The following PUS10 variants were observed in gnomAD, a reference collection of about 807,000 sequenced individuals.
PUS10 encodes tRNA pseudouridine synthase Pus10.
A neutral mutation model predicts 75.0 loss-of-function variants in PUS10; 59 were observed. The observed-to-expected ratio is 0.79, with a 90% CI of 0.64 to 0.98. The LOEUF is 0.98. PUS10 is among the 50% of genes least tolerant of loss of function. PUS10 has a pLI of 0.00. For synonymous variants in PUS10, 219 were observed against 211.6 expected, an observed-to-expected ratio of 1.03 and a Z score of -0.30; for missense variants, 650 against 614.4, an observed-to-expected ratio of 1.06 and a Z score of -0.61.
At position 60,998,072 on chromosome 2, in the gene PUS10, G is replaced by A. The variant is rs151023860; in HGVS notation, c.468+8485C>T. ...TGCCTGCACACACAATATATATATA[G>A]CTCCTATACTTAAAGTTGAGAATTT... is the stretch of plus-strand genomic sequence containing the variant. On this transcript the variant is annotated intron_variant, in intron 4 of 17. Transcript: ENST00000316752. 3.0e-3 allele frequency among the ~76,000 whole-genome samples: 457 copies of A among 152,210 alleles called. 2 individuals are homozygous for A. Among genetic ancestry groups the A allele is most frequent in the African/African-American group, 0.01 (434 of 41,540 alleles).
chr2:61,001,281 A>T (rs1286827042), intron 4 of PUS10, among the ~76,000 whole-genome samples: 3 of 148,848 alleles, frequency 2.0e-5, no homozygotes, highest in African/African-American at 4.9e-5. Flanking sequence ...ATAAGCCATA[A>T]GCCACCTCTT....
At chr2:61,004,074 C>T (rs1679039886) in intron 4 of PUS10, among the ~76,000 whole-genome samples, 1 of 152,032 alleles carries the variant, frequency 6.6e-6, no homozygotes, top group Non-Finnish European at 1.5e-5. Context: ...TATTGACGTT[C>T]GTTCTACAAA....
chr2:60,948,270 A>G, intron 15 of PUS10, 85 bp from the exon 16 acceptor site: 2 of 1,297,552 alleles, frequency 1.5e-6, no homozygotes, highest in Non-Finnish European at 1.1e-6. Context: ...CACCATCCAT[A>G]GCTCACCACA....
intron 6 of PUS10, chr2:60,966,560 C>G (rs1246824303): frequency 1.3e-5 from 2 of 152,198 alleles, no homozygotes; most frequent in Non-Finnish European, 2.9e-5. Context: ...CTCACTGATA[C>G]AACATGTAAA....
chr2:60,966,599 A>G (rs1369582664), intron 6 of PUS10: 1 of 152,264 alleles, frequency 6.6e-6, no homozygotes, highest in Non-Finnish European at 1.5e-5. Flanking sequence ...CTGAAATTTG[A>G]GGTAAAAATA....
chr2:60,975,147 C>CTGTT (rs955483476), intron 4 of PUS10, among the ~76,000 whole-genome samples: 17 of 152,108 alleles, frequency 1.1e-4, no homozygotes, highest in African/African-American at 2.9e-4. Context: ...TATCATGGTT[C>CTGTT]TGTTTGTTTG....
Position 61,011,820 on chromosome 2 carries a change from C to A in PUS10, c.71G>T (p.Cys24Phe). ...ATCCACACCACAGAATCTGAAGATA[C>A]ATCTTGGACAAGTACCAGTATTGAG... ...LLLNTGTCPRCIFRFCGVDFH... is the reference protein window; with the variant it reads ...LLLNTGTCPRFIFRFCGVDFH... The change falls in exon 2 of 18, where the codon TGT becomes TTT. Residue 24 changes from cysteine to phenylalanine, a missense_variant. Physicochemically the swap from Cys to Phe is radical, Grantham distance 205. Coordinates refer to ENST00000316752, the MANE Select transcript of PUS10 (RefSeq NM_144709.4). 6.2e-7 allele frequency: 1 copy of A among 1,609,420 alleles called. No homozygotes were observed. The highest frequency in any genetic ancestry group is 8.5e-7 in the Non-Finnish European group (1 of 1,177,620).
intron 11 of PUS10, 117 bp from the exon 12 acceptor site, chr2:60,955,191 A>G: frequency 1.9e-6 from 1 of 520,248 alleles, no homozygotes; most frequent in Non-Finnish European, 3.3e-6. Flanking sequence ...GAGAATCCCC[A>G]GGGAGAGTCA....
chr2:60,948,154 C>T lies in PUS10; in HGVS notation c.1340G>A (p.Arg447His), dbSNP rs1424494132. The T allele has an allele frequency of 1.2e-6, 2 of 1,614,046 alleles. No homozygotes were observed. Among genetic ancestry groups the T allele is most frequent in the Non-Finnish European group, 1.7e-6 (2 of 1,180,000 alleles). ...AGCCAGGGGCCTTCGGTGAAGGACG[C>T]GCAAAGGTGTTTTCTGGTCGATTTT... ...DLKIDQKTPLRVLHRRPLAVR... is the reference protein window; with the variant it reads ...DLKIDQKTPLHVLHRRPLAVR... Residue 447 changes from arginine (R) to histidine (H), a missense_variant, in exon 16 of 18, where the codon CGC (arginine) becomes CAC (histidine). Arg to His is a conservative substitution (Grantham distance 29). Transcript: ENST00000316752.
At chr2:60,995,651 T>A (rs1285175963) in intron 4 of PUS10, among the ~76,000 whole-genome samples, 2 of 152,228 alleles carry the variant, frequency 1.3e-5, no homozygotes, top group Non-Finnish European at 2.9e-5. Context: ...TCTCTACAGT[T>A]AGAAGGTAGC....
In PUS10 at chr2:60,941,883, CTTGT is replaced by C. The variant is rs1210463839; in HGVS notation, c.*508_*511del. The C allele has an allele frequency of 1.3e-5, 2 of 152,448 alleles. No individual in the cohort carries two copies. The highest frequency in any genetic ancestry group is 4.8e-5 in the African/African-American group (2 of 41,558). 9.4% of individuals were successfully genotyped at this position (152,448 alleles called of 1,614,324 possible). A position where few individuals can be genotyped will look rare whatever the true frequency, so the allele number is the denominator to read the frequency against. ...GCCAAAAGAACTTCATTGGTAATAG[CTTGT>C]TTGAGGCTTCCTGGGGAAAATAATG... is the stretch of plus-strand genomic sequence containing the variant. On this transcript the variant is annotated 3_prime_UTR_variant, in exon 18 of 18. Coordinates refer to ENST00000316752, the MANE Select transcript of PUS10 (RefSeq NM_144709.4).
intron 11 of PUS10, among the ~76,000 whole-genome samples, chr2:60,956,845 T>G (rs887950979): frequency 1.3e-4 from 19 of 151,000 alleles, no homozygotes; most frequent in African/African-American, 2.7e-4. Flanking sequence ...TGTGGTGGCG[T>G]GTGCCTGTAG....
chr2:60,948,829 CA>C (rs1020656274), intron 15 of PUS10, among the ~76,000 whole-genome samples: 5 of 152,022 alleles, frequency 3.3e-5, no homozygotes, highest in Non-Finnish European at 7.4e-5. Flanking sequence ...TTTTATGTCA[CA>C]AGATAAAAAT....
At chr2:60,948,477 C>G (rs1014706021) in intron 15 of PUS10, among the ~76,000 whole-genome samples, 3 of 152,176 alleles carry the variant, frequency 2.0e-5, no homozygotes, top group African/African-American at 7.2e-5. Flanking sequence ...ATCTGCCCTC[C>G]TCAGCCTCCA....
intron 2 of PUS10, chr2:61,010,644 G>GT: frequency 1.1e-6 from 1 of 928,190 alleles, no homozygotes; most frequent in African/African-American, 1.7e-5. Context: ...TTTTCAAAGT[G>GT]TTTCCACGTA....
intron 4 of PUS10, among the ~76,000 whole-genome samples, chr2:60,973,126 C>T (rs1239366795): frequency 6.6e-6 from 1 of 152,242 alleles, no homozygotes; most frequent in Non-Finnish European, 1.5e-5. Flanking sequence ...CCAAAGCCTC[C>T]GTCCCGGCCT....
At chr2:60,947,828 C>CAAAAAAAAAAAAAAAAA (rs890632119) in intron 16 of PUS10, among the ~76,000 whole-genome samples, 8 of 45,980 alleles carry the variant, frequency 1.7e-4, no homozygotes, top group Non-Finnish European at 3.2e-4. Context: ...GACTCTGCCT[C>CAAAAAAAAAAAAAAAAA]AAAAAAAAAA....
chr2:60,950,559 A>C lies in PUS10; in HGVS notation c.1309-2374T>G, dbSNP rs145422068. Among the ~76,000 whole-genome samples the C allele has an allele frequency of 1.3e-3, 196 of 152,216 alleles. 1 individual carries two copies. Among genetic ancestry groups the C allele is most frequent in the Admixed American group, 3.7e-3 (56 of 15,284 alleles). On this transcript the variant is annotated intron_variant, in intron 15 of 17. Transcript: ENST00000316752. Reference sequence around the variant, plus strand: ...CATCTTCCCAAGTAGCTGGGACTACAGGCATGCGCCACCACACCTGGCTAA... The same window carrying C: ...CATCTTCCCAAGTAGCTGGGACTACCGGCATGCGCCACCACACCTGGCTAA...
At chr2:60,987,597 T>G (rs1406537682) in intron 4 of PUS10, among the ~76,000 whole-genome samples, 2 of 152,160 alleles carry the variant, frequency 1.3e-5, no homozygotes, top group African/African-American at 4.8e-5. Context: ...TATTCATATA[T>G]CACCACTAAT....
Sources: gnomAD v4.1 joint callset for allele counts (sites outside exome capture counted in the v4.1 genomes callset) on GRCh38, gnomAD v4.1.1 for gene constraint, MANE v1.5 for transcripts, NCBI Gene and HGNC (gene_info 2026-07-23, HGNC 2026-07-21) for gene names.